KCNC2: variants seen among roughly 807,000 people sequenced by gnomAD.
KCNC2 encodes the protein potassium voltage-gated channel subfamily C member 2, also known as voltage-gated potassium channel KCNC2.
KCNC2 carries 21 observed loss-of-function variants against 44.5 expected under a neutral mutation model. The observed-to-expected ratio is 0.47, with a 90% CI of 0.33 to 0.68. The LOEUF is 0.68. KCNC2 is among the 30% of genes least tolerant of loss of function. KCNC2 has a pLI of 0.01. For synonymous variants in KCNC2, 391 were observed against 339.1 expected (o/e 1.15, Z -1.68); for missense variants, 589 against 826.2 (o/e 0.71, Z 3.52).
At chr12:75,145,292 T>C (rs1024199528) in intron 2 of KCNC2, among the ~76,000 whole-genome samples, 2 of 152,164 alleles carry the variant, frequency 1.3e-5, no homozygotes, top group Non-Finnish European at 2.9e-5. Context: ...CCCCATGTTC[T>C]CTTTAGCACA....
chr12:75,085,284 G>A (rs959046440), intron 2 of KCNC2, among the ~76,000 whole-genome samples: 2 of 151,828 alleles, frequency 1.3e-5, no homozygotes, highest in Admixed American at 6.6e-5. Flanking sequence ...TTGTATCAGA[G>A]CATCCTTTCT....
chr12:75,128,457 A>T (rs957867872), intron 2 of KCNC2, among the ~76,000 whole-genome samples: 23 of 152,216 alleles, frequency 1.5e-4, no homozygotes, highest in African/African-American at 5.5e-4. Context: ...TCATAGTTTT[A>T]ACTGTAAGAA....
At chr12:75,152,572 A>T (rs1297470599) in intron 2 of KCNC2, among the ~76,000 whole-genome samples, 2 of 152,000 alleles carry the variant, frequency 1.3e-5, no homozygotes, top group Non-Finnish European at 2.9e-5. Context: ...AAATTATTCC[A>T]GATATAAGAT....
At chr12:75,197,520 C>T (rs1051104452) in intron 2 of KCNC2, among the ~76,000 whole-genome samples, 1 of 151,984 alleles carries the variant, frequency 6.6e-6, no homozygotes, top group African/African-American at 2.4e-5. Flanking sequence ...TCACTTAGTG[C>T]ACTATAACTG....
chr12:75,112,209 C>G (rs898119274), intron 2 of KCNC2, among the ~76,000 whole-genome samples: 1 of 151,856 alleles, frequency 6.6e-6, no homozygotes, highest in Admixed American at 6.6e-5. Flanking sequence ...AGTTACAGTT[C>G]TACTCTATGC....
chr12:75,180,787 A>G (rs561194076), intron 2 of KCNC2, among the ~76,000 whole-genome samples: 2 of 152,160 alleles, frequency 1.3e-5, no homozygotes, highest in East Asian at 1.9e-4. Flanking sequence ...TGTGAAATAA[A>G]TGATACATAT....
chr12:75,046,361 T>C (rs1379944319), intron 4 of KCNC2, among the ~76,000 whole-genome samples: 1 of 151,778 alleles, frequency 6.6e-6, no homozygotes, highest in African/African-American at 2.4e-5. Flanking sequence ...CCTTATAATT[T>C]GCAAAGCTTT....
At chr12:75,161,660 C>T (rs1446692100) in intron 2 of KCNC2, among the ~76,000 whole-genome samples, 1 of 151,736 alleles carries the variant, frequency 6.6e-6, no homozygotes, top group East Asian at 1.9e-4. Context: ...GTCTAGAGCA[C>T]AGCTTGGCCA....
At chr12:75,048,684 A>G (rs1253183557) in intron 3 of KCNC2, among the ~76,000 whole-genome samples, 1 of 152,166 alleles carries the variant, frequency 6.6e-6, no homozygotes, top group Admixed American at 6.6e-5. Flanking sequence ...ATATTTAAAA[A>G]TGGAACCTAT....
chr12:75,114,361 T>G (rs1592901437), intron 2 of KCNC2, among the ~76,000 whole-genome samples: 1 of 152,176 alleles, frequency 6.6e-6, no homozygotes, highest in Non-Finnish European at 1.5e-5. Context: ...ATATGGTGGG[T>G]TCTTGTTTCC....
At chr12:75,181,736 CA>C (rs1042078222) in intron 2 of KCNC2, among the ~76,000 whole-genome samples, 1 of 152,038 alleles carries the variant, frequency 6.6e-6, no homozygotes, top group African/African-American at 2.4e-5. Flanking sequence ...AAATTAACCT[CA>C]ACAGATCTCA....
intron 2 of KCNC2, among the ~76,000 whole-genome samples, chr12:75,205,868 C>A (rs1593097807): frequency 1.6e-5 from 2 of 127,126 alleles, no homozygotes; most frequent in African/African-American, 3.0e-5. Flanking sequence ...TGAATGCCAA[C>A]TCTGTTGTTG....
intron 2 of KCNC2, among the ~76,000 whole-genome samples, chr12:75,146,271 T>A (rs1210408898): frequency 6.6e-6 from 1 of 152,168 alleles, no homozygotes; most frequent in Non-Finnish European, 1.5e-5. Context: ...TCAGAGATAA[T>A]CACTATCCTA....
Position 75,150,057 on chromosome 12 carries a change from C to T in KCNC2, c.687+57240G>A, listed in dbSNP as rs569152688. 1.4e-4 allele frequency among the ~76,000 whole-genome samples: 21 copies of T among 151,930 alleles called. No individual in the cohort carries two copies. In the South Asian group the frequency reaches 4.2e-3, roughly 30 times the overall value. On this transcript the variant is annotated intron_variant, in intron 2 of 4. Transcript: ENST00000549446. ...TGACTCCTGAAGTCATTTGATTATA[C>T]AACCTTGAATATAAACTGACATTCT...
Position 75,048,142 on chromosome 12 carries a change from T to C in KCNC2, c.1780+11A>G. ...AGTCACCTGTTATGATCTGATTAAA[T>C]GCATGCCTACCTTTCCTGATCCCTC... On this transcript the variant is annotated intron_variant, in intron 4 of 4. Coordinates refer to ENST00000549446, the MANE Select transcript of KCNC2 (RefSeq NM_139137.4). 6.2e-7 allele frequency: 1 copy of C among 1,611,214 alleles called. No homozygotes were observed. Among genetic ancestry groups the C allele is most frequent in the Admixed American group, 1.7e-5 (1 of 59,834 alleles).
At chr12:75,150,850 T>A (rs1890340866) in intron 2 of KCNC2, among the ~76,000 whole-genome samples, 1 of 151,882 alleles carries the variant, frequency 6.6e-6, no homozygotes, top group Non-Finnish European at 1.5e-5. Context: ...ATAAAATGAA[T>A]GTTATTATAA....
chr12:75,160,407 A>T (rs566129338), intron 2 of KCNC2, among the ~76,000 whole-genome samples: 2 of 151,956 alleles, frequency 1.3e-5, no homozygotes, highest in African/African-American at 4.8e-5. Context: ...TAATACAGTT[A>T]GAAAAAAAAG....
rs1301569625 is a variant in KCNC2, at chr12:75,041,539, A to G, written c.*1566T>C. 1 of 1,121,390 alleles carries G rather than the reference A, an allele frequency of 8.9e-7. No individual in the cohort carries two copies. Among genetic ancestry groups the G allele is most frequent in the East Asian group, 6.1e-5 (1 of 16,408 alleles). 69.5% of individuals were successfully genotyped at this position (1,121,390 alleles called of 1,614,324 possible). A position where few individuals can be genotyped will look rare whatever the true frequency, so the allele number is the denominator to read the frequency against. ...TGATATTATTTATCCCTCTATTTATATTACGGTCTTTTTCTTCCCTCACAT... is the reference window on the plus strand; with the variant it reads ...TGATATTATTTATCCCTCTATTTATGTTACGGTCTTTTTCTTCCCTCACAT... On this transcript the variant is annotated 3_prime_UTR_variant, in exon 5 of 5. Transcript: ENST00000549446.
At chr12:75,076,708 T>A (rs993090318) in intron 2 of KCNC2, among the ~76,000 whole-genome samples, 4 of 152,210 alleles carry the variant, frequency 2.6e-5, no homozygotes, top group African/African-American at 7.2e-5. Context: ...TGATACGTAT[T>A]TATTTCAATA....
Sources: allele counts gnomAD v4.1 joint callset (sites outside exome capture counted in the v4.1 genomes callset), GRCh38; gene constraint gnomAD v4.1.1; transcripts MANE v1.5; gene names NCBI Gene and HGNC (gene_info 2026-07-23, HGNC 2026-07-21).